The following RICTOR variants were observed in gnomAD, a reference collection of about 807,000 sequenced individuals.
The protein encoded by RICTOR is RPTOR independent companion of MTOR complex 2, also known as rapamycin-insensitive companion of mTOR.
RICTOR carries 49 observed loss-of-function variants against 214.9 expected under a neutral mutation model. The ratio of observed to expected loss-of-function variants is 0.23; its 90% confidence interval spans 0.18 to 0.29. The LOEUF is 0.29. Ranked by LOEUF, RICTOR falls within the 10% of genes least tolerant of loss-of-function variation. The pLI is 1.00. For synonymous variants in RICTOR, 717 were observed against 711.3 expected (o/e 1.01, Z -0.13); for missense variants, 1,625 against 2,047.0 (o/e 0.79, Z 3.98).
chr5:38,975,400 T>G lies in RICTOR; in HGVS notation c.889+137A>C, dbSNP rs1449328267. The G allele has an allele frequency of 4.7e-6, 3 of 639,824 alleles. No individual in the cohort carries two copies. The East Asian group carries it at 8.2e-5, about 18-fold the overall frequency. The allele number at this position is 639,824 out of a possible 1,614,324, so 39.6% of individuals were successfully genotyped here. On this transcript the variant is annotated intron_variant, in intron 10 of 37. Coordinates refer to ENST00000357387, the MANE Select transcript of RICTOR (RefSeq NM_152756.5). Reference sequence around the variant, plus strand: ...CATATTTTAATAATTTTGTACGAGTTCCTTTGGTTCTAATAATAATATACA... The same window carrying G: ...CATATTTTAATAATTTTGTACGAGTGCCTTTGGTTCTAATAATAATATACA...
At position 38,949,968 on chromosome 5, in the gene RICTOR, G is replaced by T; in HGVS notation, c.3880C>A (p.His1294Asn). 6.2e-7 allele frequency: 1 copy of T among 1,613,518 alleles called. No individual in the cohort carries two copies. The highest frequency in any genetic ancestry group is 1.1e-5 in the South Asian group (1 of 91,074). ...SVSLVPPGSS[H>N]TLPRRAQSLK... The stretch of plus-strand genomic sequence containing the variant: ...GACTGTGCTCTTCTAGGAAGCGTAT[G>T]AGAAGAACCTGGAGGCACCAGGGAC... The change falls in exon 31 of 38, where the codon CAT (histidine) becomes AAT (asparagine). Residue 1294 changes from histidine to asparagine, a missense_variant. His to Asn is a moderately conservative substitution (Grantham distance 68). Transcript: ENST00000357387.
chr5:39,024,533 A>G (rs1358084807), intron 2 of RICTOR, among the ~76,000 whole-genome samples: 2 of 152,240 alleles, frequency 1.3e-5, no homozygotes, highest in African/African-American at 2.4e-5. Context: ...TAAAAATTTT[A>G]TAACAACCCT....
Position 38,978,670 on chromosome 5 carries a change from A to G in RICTOR, c.754-20T>C, listed in dbSNP as rs1364975973. The G allele has an allele frequency of 1.7e-6, 2 of 1,212,028 alleles. No individual in the cohort carries two copies. Among genetic ancestry groups the G allele is most frequent in the East Asian group, 2.4e-5 (1 of 42,462 alleles). 75.1% of individuals were successfully genotyped at this position (1,212,028 alleles called of 1,614,324 possible). On this transcript the variant is annotated intron_variant, in intron 8 of 37. Coordinates refer to ENST00000357387, the MANE Select transcript of RICTOR (RefSeq NM_152756.5). ...AATTCTCTATTTAAAAAAAAAAAGGAAGAAAAGAGTCTTTATTTTAAAATG... is the reference window on the plus strand; with the variant it reads ...AATTCTCTATTTAAAAAAAAAAAGGGAGAAAAGAGTCTTTATTTTAAAATG...
In RICTOR at chr5:38,982,113, A is replaced by G. The variant is rs529767714; in HGVS notation, c.584-77T>C. ...TAAAAAATCTAGGCTTTAAAACTTA[A>G]TTGCCTTTCTGACTTGAAAAACTTT... On this transcript the variant is annotated intron_variant, in intron 7 of 37. Transcript: ENST00000357387. 2.2e-5 allele frequency: 24 copies of G among 1,071,962 alleles called. No individual in the cohort carries two copies. In the East Asian group the frequency reaches 5.4e-4, roughly 24 times the overall value. The allele number at this position is 1,071,962 out of a possible 1,614,324, so 66.4% of individuals were successfully genotyped here. A position where few individuals can be genotyped will look rare whatever the true frequency, so the allele number is the denominator to read the frequency against.
At chr5:38,964,075 C>T (rs1207210879) in intron 16 of RICTOR, among the ~76,000 whole-genome samples, 1 of 151,744 alleles carries the variant, frequency 6.6e-6, no homozygotes, top group Non-Finnish European at 1.5e-5. Flanking sequence ...AACTCCATTT[C>T]ACTAACATCA....
At chr5:39,031,136 T>C (rs1312588145) in intron 2 of RICTOR, among the ~76,000 whole-genome samples, 1 of 152,212 alleles carries the variant, frequency 6.6e-6, no homozygotes, top group Non-Finnish European at 1.5e-5. Flanking sequence ...GGAGGCTGAC[T>C]AGAATCTTGA....
At chr5:39,019,865 C>T (rs2150134096) in intron 3 of RICTOR, among the ~76,000 whole-genome samples, 1 of 152,276 alleles carries the variant, frequency 6.6e-6, no homozygotes. Flanking sequence ...TGAAAACCTT[C>T]TGGAAAGGAT....
Position 38,958,414 on chromosome 5 carries a change from AC to A in RICTOR, c.2420+28del, listed in dbSNP as rs771916916. On this transcript the variant is annotated intron_variant, in intron 24 of 37. Transcript: ENST00000357387. Reference sequence around the variant, plus strand: ...CACTGCCAAAGAACACAACAAAAAAACATAACAGAAAATTTACTTAAAATTT... The same window carrying A: ...CACTGCCAAAGAACACAACAAAAAAAATAACAGAAAATTTACTTAAAATTT... 36 of 1,454,812 alleles carry A rather than the reference AC, an allele frequency of 2.5e-5. No individual in the cohort carries two copies. The East Asian group carries it at 2.7e-4, about 11-fold the overall frequency. 90.1% of individuals were successfully genotyped at this position (1,454,812 alleles called of 1,614,324 possible).
chr5:39,071,961 A>T (rs1373349105), intron 2 of RICTOR, among the ~76,000 whole-genome samples: 1 of 152,184 alleles, frequency 6.6e-6, no homozygotes, highest in Non-Finnish European at 1.5e-5. Flanking sequence ...ATTATTACTA[A>T]ACTTTAATTC....
At chr5:38,991,969 G>A (rs1752812200) in intron 6 of RICTOR, among the ~76,000 whole-genome samples, 1 of 152,022 alleles carries the variant, frequency 6.6e-6, no homozygotes, top group Admixed American at 6.6e-5. Flanking sequence ...TTATTGTCCT[G>A]TTGATAAAAT....
At chr5:39,052,659 A>T (rs1757932352) in intron 2 of RICTOR, among the ~76,000 whole-genome samples, 1 of 152,180 alleles carries the variant, frequency 6.6e-6, no homozygotes, top group African/African-American at 2.4e-5. Context: ...ACCAGTGGGG[A>T]TCCTGGGGAA....
At chr5:39,045,252 A>C (rs144481049) in intron 2 of RICTOR, among the ~76,000 whole-genome samples, 1 of 152,272 alleles carries the variant, frequency 6.6e-6, no homozygotes, top group African/African-American at 2.4e-5. Flanking sequence ...TACAGAAATG[A>C]CTATCATTCA....
intron 4 of RICTOR, 53 bp downstream of exon 4, chr5:39,003,499 CTAAAAT>C: frequency 8.9e-7 from 1 of 1,118,132 alleles, no homozygotes; most frequent in South Asian, 1.3e-5. Flanking sequence ...TTTAAAATTA[CTAAAAT>C]TAAAATTACT....
chr5:38,987,422 T>C (rs1752257177), intron 7 of RICTOR, among the ~76,000 whole-genome samples: 2 of 151,900 alleles, frequency 1.3e-5, no homozygotes, highest in African/African-American at 4.8e-5. Context: ...TCTATTCTTC[T>C]TCTTGGTTTA....
At position 39,004,464 on chromosome 5, in the gene RICTOR, C is replaced by CTT. The variant is rs35374961; in HGVS notation, c.196-844_196-843dup. On this transcript the variant is annotated intron_variant, in intron 3 of 37. Coordinates refer to ENST00000357387, the MANE Select transcript of RICTOR (RefSeq NM_152756.5). ...AGTCATGTCATTTATTTCTCAAACT[C>CTT]TTTTTTTTTTTTTGAGACGGAGTCT... 1.5e-3 allele frequency among the ~76,000 whole-genome samples: 218 copies of CTT among 144,974 alleles called. 2 individuals are homozygous for CTT. The highest frequency in any genetic ancestry group is 3.6e-3 in the East Asian group (18 of 4,942).
intron 26 of RICTOR, 25 bp from the exon 27 acceptor site, chr5:38,954,886 T>G (rs757558177): frequency 7.4e-6 from 9 of 1,220,156 alleles, no homozygotes; most frequent in Non-Finnish European, 1.1e-5. Flanking sequence ...ATGATTACTA[T>G]ATCTCTTGGC....
chr5:39,041,630 A>G (rs1757173924), intron 2 of RICTOR, among the ~76,000 whole-genome samples: 1 of 152,154 alleles, frequency 6.6e-6, no homozygotes, highest in South Asian at 2.1e-4. Context: ...TGAAGTCTAG[A>G]TTTCCGGATT....
In RICTOR at chr5:38,958,802, T is replaced by C; in HGVS notation, c.2208A>G (p.Leu736=). 1.9e-6 allele frequency: 3 copies of C among 1,603,574 alleles called. No individual in the cohort carries two copies. Among genetic ancestry groups the C allele is most frequent in the Non-Finnish European group, 2.6e-6 (3 of 1,175,326 alleles). ...DACRLYATKH[L]RVLLRANVEF... is the part of the protein sequence containing the mutation. ...CAACATTAGCTCTCAATAATACCCT[T>C]AAATGTTTTGTTGCATAGAGTCTGC... Residue 736 remains leucine, a synonymous_variant, in exon 23 of 38, where the codon TTA becomes TTG. Coordinates refer to ENST00000357387, the MANE Select transcript of RICTOR (RefSeq NM_152756.5).
At chr5:38,992,772 T>G (rs933738919) in intron 6 of RICTOR, among the ~76,000 whole-genome samples, 3 of 152,160 alleles carry the variant, frequency 2.0e-5, no homozygotes, top group Non-Finnish European at 2.9e-5. Context: ...CATAAATCAA[T>G]GAATGCTCAG....
Sources: gnomAD v4.1 joint callset for allele counts (sites outside exome capture counted in the v4.1 genomes callset) on GRCh38, gnomAD v4.1.1 for gene constraint, MANE v1.5 for transcripts, NCBI Gene and HGNC (gene_info 2026-07-23, HGNC 2026-07-21) for gene names.